Variants in PRMT1 observed in about 807,000 individuals in gnomAD.
PRMT1 encodes protein arginine N-methyltransferase 1.
Under a neutral mutation model 47.4 loss-of-function variants are expected in PRMT1, and 5 were observed. The observed-to-expected ratio is 0.11, with a 90% CI of 0.06 to 0.22. PRMT1 has a LOEUF of 0.22. PRMT1 is among the 10% of genes least tolerant of loss of function. The probability of loss-of-function intolerance (pLI) is 1.00; values close to 1 mark genes in which losing one functional copy is unlikely to be tolerated. For synonymous variants in PRMT1, 227 were observed against 204.6 expected (o/e 1.11, Z -0.94); for missense variants, 249 against 518.4 (o/e 0.48, Z 5.05).
intron 10 of PRMT1, chr19:49,687,954 T>C (rs763001942): frequency 3.3e-6 from 2 of 609,332 alleles, no homozygotes; most frequent in Middle Eastern, 4.1e-4. Flanking sequence ...TACTCCTGAG[T>C]GAGTCTAGTG....
intron 4 of PRMT1, 35 bp from the exon 5 acceptor site, chr19:49,682,161 A>G (rs754051756): frequency 1.9e-6 from 3 of 1,613,598 alleles, no homozygotes; most frequent in South Asian, 2.2e-5. Flanking sequence ...GGGGCAGGGG[A>G]TGGGTCTCAC....
At chr19:49,677,106 A>G, upstream of PRMT1, 1 of 498,782 alleles carries the variant, frequency 2.0e-6, no homozygotes, top group Non-Finnish European at 3.2e-6. Context: ...TGATGGACGT[A>G]TTCTCTAGCC....
Position 49,684,113 on chromosome 19 carries a change from C to T in PRMT1, c.555+44C>T. The T allele has an allele frequency of 1.2e-6, 2 of 1,609,114 alleles. No homozygotes were observed. The highest frequency in any genetic ancestry group is 1.7e-6 in the Non-Finnish European group (2 of 1,176,556). On this transcript the variant is annotated intron_variant, in intron 6 of 10. Transcript: ENST00000454376. The surrounding 1 kb of genome is among the most constrained non-coding windows in gnomAD (Gnocchi z 6.2). ...GGGTGCAGCTCGCGTGGGCTGGGGT[C>T]CAGGTAGAAGACGAAAACCACGCTC...
At chr19:49,687,424 G>T (rs1263936368) in intron 10 of PRMT1, among the ~76,000 whole-genome samples, 1 of 152,000 alleles carries the variant, frequency 6.6e-6, no homozygotes, top group Non-Finnish European at 1.5e-5. Context: ...GGCACTCAGG[G>T]TAGTCATGGA....
At chr19:49,687,574 AG>A (rs1330052100) in intron 10 of PRMT1, among the ~76,000 whole-genome samples, 1 of 150,820 alleles carries the variant, frequency 6.6e-6, no homozygotes, top group Non-Finnish European at 1.5e-5. Context: ...ACTCCGGAGA[AG>A]GGGTGGTCCT....
At chr19:49,679,379 T>C (rs957271127) in intron 1 of PRMT1, among the ~76,000 whole-genome samples, 1 of 151,704 alleles carries the variant, frequency 6.6e-6, no homozygotes, top group Non-Finnish European at 1.5e-5. Context: ...CACACCTCTA[T>C]TCTGGAATCC....
chr19:49,679,526 AT>A (rs1426838474), intron 1 of PRMT1: 42 of 581,636 alleles, frequency 7.2e-5, no homozygotes, highest in Non-Finnish European at 1.2e-4. Context: ...TCTGGAGGAG[AT>A]TAGGTGATGA....
chr19:49,682,225 G>A lies in PRMT1; in HGVS notation c.378G>A (p.Ala126=), dbSNP rs780735676. The part of the protein sequence containing the change: ...GIECSSISDY[A]VKIVKANKLD... Reference sequence around the variant, plus strand: ...AGTGTTCCAGTATCTCTGATTATGCGGTGAAGATCGTCAAAGCCAACAAGT... The same window carrying A: ...AGTGTTCCAGTATCTCTGATTATGCAGTGAAGATCGTCAAAGCCAACAAGT... The change falls in exon 5 of 11, where the codon GCG becomes GCA. Residue 126 remains alanine (A), a synonymous_variant. Transcript: ENST00000454376. 25 of 1,613,744 alleles carry A rather than the reference G, an allele frequency of 1.5e-5. No homozygotes were observed. In the Admixed American group the frequency reaches 3.2e-4, roughly 20 times the overall value.
In PRMT1 at chr19:49,681,872, G is replaced by C; in HGVS notation, c.193-38G>C. The C allele has an allele frequency of 6.3e-7, 1 of 1,588,514 alleles. No individual in the cohort carries two copies. Among genetic ancestry groups the C allele is most frequent in the Non-Finnish European group, 8.6e-7 (1 of 1,163,084 alleles). ...ACGCTGTTCTCCAGCTGGGGATATG[G>C]GGCCCCTCACGGCGTCTCTGTGCCA... is the stretch of plus-strand genomic sequence containing the variant. On this transcript the variant is annotated intron_variant, in intron 3 of 10. Coordinates refer to ENST00000454376, the MANE Select transcript of PRMT1 (RefSeq NM_001536.6). The surrounding 1 kb of genome is among the most constrained non-coding windows in gnomAD (Gnocchi z 4.4).
intron 5 of PRMT1, among the ~76,000 whole-genome samples, chr19:49,683,393 A>G (rs1208131812): frequency 2.0e-5 from 3 of 152,034 alleles, no homozygotes. Context: ...CCACCCAGTT[A>G]AAAACAAAAT....
At position 49,683,875 on chromosome 19, in the gene PRMT1, G is replaced by C. The variant is rs1000590152; in HGVS notation, c.413-52G>C. 1.6e-5 allele frequency: 25 copies of C among 1,580,626 alleles called. No homozygotes were observed. The African/African-American group carries it at 2.3e-4, about 14-fold the overall frequency. On this transcript the variant is annotated intron_variant, in intron 5 of 10. Transcript: ENST00000454376. Reference sequence around the variant, plus strand: ...GGCTCTAGCCCCCGGGGGAGGTGAGGTGAGGGGCAGGCCTCCCGGGGGCTG... The same window carrying C: ...GGCTCTAGCCCCCGGGGGAGGTGAGCTGAGGGGCAGGCCTCCCGGGGGCTG...
Position 49,685,898 on chromosome 19 carries a change from C to G in PRMT1, c.760-195C>G, listed in dbSNP as rs938954341. Reference sequence around the variant, plus strand: ...GAGGAGGGAGCAAGGAATCTGGGCTCGAACCCACATGGTTTATTGGGAGCC... The same window carrying G: ...GAGGAGGGAGCAAGGAATCTGGGCTGGAACCCACATGGTTTATTGGGAGCC... On this transcript the variant is annotated intron_variant, in intron 8 of 10. Coordinates refer to ENST00000454376, the MANE Select transcript of PRMT1 (RefSeq NM_001536.6). This position sits in a 1 kb window ranked among gnomAD's most constrained non-coding sequence, Gnocchi z 4.7. 7.1e-7 allele frequency: 1 copy of G among 1,411,156 alleles called. No individual in the cohort carries two copies. The highest frequency in any genetic ancestry group is 1.5e-5 in the South Asian group (1 of 64,824). 87.4% of individuals were successfully genotyped at this position (1,411,156 alleles called of 1,614,324 possible). A position where few individuals can be genotyped will look rare whatever the true frequency, so the allele number is the denominator to read the frequency against.
At position 49,685,759 on chromosome 19, in the gene PRMT1, A is replaced by C. The variant is rs1303184398; in HGVS notation, c.760-334A>C. The C allele has an allele frequency of 1.8e-6, 2 of 1,112,892 alleles. No individual in the cohort carries two copies. The highest frequency in any genetic ancestry group is 2.2e-6 in the Non-Finnish European group (2 of 909,076). 68.9% of individuals were successfully genotyped at this position (1,112,892 alleles called of 1,614,324 possible). ...AGGTTGGCATTTGTGTTGCCGTTTG[A>C]AGCCATCATGTTGTTGGACTTGTCA... On this transcript the variant is annotated intron_variant, in intron 8 of 10. Transcript: ENST00000454376. This position sits in a 1 kb window ranked among gnomAD's most constrained non-coding sequence, Gnocchi z 4.7.
Position 49,685,460 on chromosome 19 carries a change from T to G in PRMT1, c.759+423T>G. On this transcript the variant is annotated intron_variant, in intron 8 of 10. Coordinates refer to ENST00000454376, the MANE Select transcript of PRMT1 (RefSeq NM_001536.6). This position sits in a 1 kb window ranked among gnomAD's most constrained non-coding sequence, Gnocchi z 4.7. Reference sequence around the variant, plus strand: ...GGGAGTTCAAGGCTGCAGTGAGCTGTGATCACATCACTGCACTCCAGCTTT... The same window carrying G: ...GGGAGTTCAAGGCTGCAGTGAGCTGGGATCACATCACTGCACTCCAGCTTT... 8.8e-7 allele frequency: 1 copy of G among 1,133,992 alleles called. No homozygotes were observed. Among genetic ancestry groups the G allele is most frequent in the Non-Finnish European group, 1.1e-6 (1 of 916,106 alleles). 70.2% of individuals were successfully genotyped at this position (1,133,992 alleles called of 1,614,324 possible).
Position 49,686,782 on chromosome 19 carries a change from TG to T in PRMT1, c.1032+64del, listed in dbSNP as rs1021499869. ...GGCAGCTAGGGCGGGGAGTGTAGAT[TG>T]GGGGGGGAGTGGTGGGGGAGGAATG... On this transcript the variant is annotated intron_variant, in intron 10 of 10. Transcript: ENST00000454376. The T allele has an allele frequency of 9.5e-4, 173 of 182,932 alleles. No homozygotes were observed. In the African/African-American group the frequency reaches 0.011, roughly 12 times the overall value. 11.3% of individuals were successfully genotyped at this position (182,932 alleles called of 1,614,324 possible). A position where few individuals can be genotyped will look rare whatever the true frequency, so the allele number is the denominator to read the frequency against.
rs1196056500 is a variant in PRMT1 at position 49,685,561 on chromosome 19, G to A, written c.759+524G>A. On this transcript the variant is annotated intron_variant, in intron 8 of 10. Coordinates refer to ENST00000454376, the MANE Select transcript of PRMT1 (RefSeq NM_001536.6). This position sits in a 1 kb window ranked among gnomAD's most constrained non-coding sequence, Gnocchi z 4.7. ...GACCCTGTTTAAAAAAAAAAAATACGGCGATGAGTATTTGTTGAGCTGGGA... is the reference window on the plus strand; with the variant it reads ...GACCCTGTTTAAAAAAAAAAAATACAGCGATGAGTATTTGTTGAGCTGGGA... The A allele has an allele frequency of 1.2e-5, 12 of 1,021,574 alleles. No homozygotes were observed. Among genetic ancestry groups the A allele is most frequent in the African/African-American group, 3.5e-5 (2 of 57,634 alleles). 63.3% of individuals were successfully genotyped at this position (1,021,574 alleles called of 1,614,324 possible).
rs2082241280 is a variant in PRMT1 at position 49,688,239 on chromosome 19, G to T, written c.1110G>T (p.Met370Ile). The change falls in exon 11 of 11, where the codon ATG becomes ATT. Residue 370 changes from methionine (M) to isoleucine (I), a missense_variant. Met to Ile is a conservative substitution (Grantham distance 10). Around this residue, in one of 2 missense-constraint regions of PRMT1, gnomAD observed 190 missense variants for 456.7 expected, o/e 0.42. Transcript: ENST00000454376. This position sits in a 1 kb window ranked among gnomAD's most constrained non-coding sequence, Gnocchi z 5.3. Reference protein sequence around the residue: ...CELSCSTDYRMR With the variant: ...CELSCSTDYRIR Reference sequence around the variant, plus strand: ...TGTCCTGCTCCACCGACTACCGGATGCGCTGAGGCCCGGCTCTCCCGCCCT... The same window carrying T: ...TGTCCTGCTCCACCGACTACCGGATTCGCTGAGGCCCGGCTCTCCCGCCCT... 6.2e-7 allele frequency: 1 copy of T among 1,613,756 alleles called. No individual in the cohort carries two copies. The highest frequency in any genetic ancestry group is 1.3e-5 in the African/African-American group (1 of 74,922).
intron 1 of PRMT1, among the ~76,000 whole-genome samples, chr19:49,677,749 G>C (rs1196969713): frequency 6.6e-6 from 1 of 152,026 alleles, no homozygotes; most frequent in Non-Finnish European, 1.5e-5. Context: ...CGGGGACCTG[G>C]GCACACGCCG....
At position 49,680,367 on chromosome 19, in the gene PRMT1, T is replaced by G; in HGVS notation, c.91-120T>G. On this transcript the variant is annotated intron_variant, in intron 2 of 10. Transcript: ENST00000454376. The surrounding 1 kb of genome is among the most constrained non-coding windows in gnomAD (Gnocchi z 4.2). ...AGATGGCAGGCGGGGGCTGTAGGGT[T>G]GTCATGGTATGATTTTGGGGGTTCT... The G allele has an allele frequency of 9.2e-7, 1 of 1,086,964 alleles. No homozygotes were observed. The highest frequency in any genetic ancestry group is 1.4e-6 in the Non-Finnish European group (1 of 715,626). 67.3% of individuals were successfully genotyped at this position (1,086,964 alleles called of 1,614,324 possible).
Sources: allele counts gnomAD v4.1 joint callset (sites outside exome capture counted in the v4.1 genomes callset), GRCh38; gene constraint gnomAD v4.1.1; regional missense constraint gnomAD v4.1.1; non-coding constraint Gnocchi (gnomAD v3.1); transcripts MANE v1.5; gene names NCBI Gene and HGNC (gene_info 2026-07-23, HGNC 2026-07-21).